RAPGEF5: variants seen among roughly 807,000 people sequenced by gnomAD.
RAPGEF5 encodes the protein Rap guanine nucleotide exchange factor 5.
In RAPGEF5, 65 loss-of-function variants were observed where a neutral mutation model predicts 125.2. The ratio of observed to expected loss-of-function variants is 0.52; its 90% confidence interval spans 0.43 to 0.64. The LOEUF (loss-of-function observed/expected upper bound fraction) is 0.64. Among genes scored for constraint, RAPGEF5 ranks in the 30% least tolerant of loss-of-function variants. The pLI is 0.00. For missense variants in RAPGEF5, 958 were observed against 1,048.1 expected (o/e 0.91, Z 1.19); for synonymous variants, 391 against 385.9 (o/e 1.01, Z -0.16).
chr7:22,356,752 C>A (rs1326749435), intron 1 of RAPGEF5, 78 bp downstream of exon 1: 2 of 797,388 alleles, frequency 2.5e-6, no homozygotes, highest in South Asian at 6.0e-5. Flanking sequence ...CAGACGCCCC[C>A]CTCAGCGGCC....
chr7:22,233,080 C>T lies in RAPGEF5; in HGVS notation c.797-2161G>A, dbSNP rs142800076. 7.1e-3 allele frequency among the ~76,000 whole-genome samples: 1,074 copies of T among 152,238 alleles called. 16 individuals carry two copies. The highest frequency in any genetic ancestry group is 0.025 in the African/African-American group (1,025 of 41,544). On this transcript the variant is annotated intron_variant, in intron 7 of 25. Transcript: ENST00000665637. ...GAGGAAACTTAAGAACAAAGAAAAA[C>T]ATGCGTGTTTTCTCTGAAAAACTAG...
intron 7 of RAPGEF5, among the ~76,000 whole-genome samples, chr7:22,251,366 G>A (rs1033312153): frequency 6.6e-6 from 1 of 152,176 alleles, no homozygotes; most frequent in African/African-American, 2.4e-5. Context: ...ATAAGTGGAT[G>A]CATGTCCTGT....
Position 22,194,050 on chromosome 7 carries a change from G to T in RAPGEF5, c.997-17C>A, listed in dbSNP as rs1231610488. 6 of 1,583,348 alleles carry T rather than the reference G, an allele frequency of 3.8e-6. No homozygotes were observed. Among genetic ancestry groups the T allele is most frequent in the South Asian group, 3.4e-5 (3 of 88,144 alleles). On this transcript the variant is annotated splice_polypyrimidine_tract_variant and intron_variant, in intron 9 of 25. Coordinates refer to ENST00000665637, the MANE Select transcript of RAPGEF5 (RefSeq NM_012294.5). ...ATCATCTTGCTTTAATTGTGGACAG[G>T]GATGATGGATGAGAGAAGGAAAAAG...
intron 7 of RAPGEF5, among the ~76,000 whole-genome samples, chr7:22,242,947 CAAAA>C (rs537954162): frequency 6.1e-5 from 4 of 65,742 alleles, no homozygotes; most frequent in African/African-American, 9.3e-5. Flanking sequence ...AACTCCGTCT[CAAAA>C]AAAAAAAAAA....
intron 4 of RAPGEF5, among the ~76,000 whole-genome samples, chr7:22,309,229 T>G (rs936116248): frequency 1.3e-5 from 2 of 152,230 alleles, no homozygotes; most frequent in African/African-American, 4.8e-5. Flanking sequence ...AGTTAACTAA[T>G]TTTATAAATA....
intron 11 of RAPGEF5, among the ~76,000 whole-genome samples, chr7:22,190,344 G>A (rs923691395): frequency 6.6e-6 from 1 of 152,126 alleles, no homozygotes; most frequent in Non-Finnish European, 1.5e-5. Flanking sequence ...GACTTCTTGC[G>A]CCTTTCACTA....
chr7:22,318,831 GTGC>G, intron 1 of RAPGEF5, among the ~76,000 whole-genome samples: 1 of 152,110 alleles, frequency 6.6e-6, no homozygotes, highest in East Asian at 1.9e-4. Flanking sequence ...TACTATTCAG[GTGC>G]AGCACCTGGG....
intron 1 of RAPGEF5, among the ~76,000 whole-genome samples, chr7:22,350,604 T>C (rs80288589): frequency 0.015 from 2,229 of 152,268 alleles, 62 homozygotes; most frequent in African/African-American, 0.05. Context: ...AGATAATAAG[T>C]GATAGCACTG....
chr7:22,250,566 G>A (rs1032201394), intron 7 of RAPGEF5, among the ~76,000 whole-genome samples: 5 of 152,106 alleles, frequency 3.3e-5, no homozygotes, highest in South Asian at 2.1e-4. Flanking sequence ...TTAATGTGAC[G>A]AAGGATGGAC....
At position 22,219,952 on chromosome 7, in the gene RAPGEF5, C is replaced by T. The variant is rs577125202; in HGVS notation, c.910G>A (p.Gly304Arg). Residue 304 changes from glycine to arginine, a missense_variant, in exon 9 of 26, where the codon GGA becomes AGA. Transcript: ENST00000665637. ...MCKLQERDEI[G>R]RIELVQKLAK... ...AGCTTCTGGACTAGTTCAATTCGTCCGATTTCATCTCTTTCCTGGAGCTTG... is the reference window on the plus strand; with the variant it reads ...AGCTTCTGGACTAGTTCAATTCGTCTGATTTCATCTCTTTCCTGGAGCTTG... 144 of 1,613,508 alleles carry T rather than the reference C, an allele frequency of 8.9e-5. No individual in the cohort carries two copies. The highest frequency in any genetic ancestry group is 5.3e-4 in the Admixed American group (32 of 59,996).
intron 12 of RAPGEF5, among the ~76,000 whole-genome samples, chr7:22,165,259 T>A (rs897477718): frequency 9.9e-5 from 15 of 152,196 alleles, no homozygotes; most frequent in Admixed American, 6.5e-5. Context: ...AGGGACATCC[T>A]ATAGGACACT....
chr7:22,325,494 G>C (rs1487662791), intron 1 of RAPGEF5, among the ~76,000 whole-genome samples: 1 of 152,182 alleles, frequency 6.6e-6, no homozygotes, highest in African/African-American at 2.4e-5. Context: ...GTCATGCATA[G>C]AGAGTGCAGA....
chr7:22,319,863 A>AG (rs1783677760), intron 1 of RAPGEF5, among the ~76,000 whole-genome samples: 1 of 152,042 alleles, frequency 6.6e-6, no homozygotes. Flanking sequence ...AAAAAAAAAA[A>AG]ACGTGGGCAG....
intron 20 of RAPGEF5, among the ~76,000 whole-genome samples, chr7:22,141,269 A>AT (rs1051095572): frequency 3.3e-5 from 5 of 152,108 alleles, no homozygotes; most frequent in African/African-American, 9.7e-5. Flanking sequence ...TGTATTTGTG[A>AT]TTTTTTTCCC....
chr7:22,156,784 A>G (rs1783822730), intron 16 of RAPGEF5, 26 bp downstream of exon 16: 3 of 1,613,204 alleles, frequency 1.9e-6, no homozygotes, highest in Middle Eastern at 1.7e-4. Flanking sequence ...GCCCACCCCC[A>G]AACCCTCACT....
Position 22,145,129 on chromosome 7 carries a change from G to C in RAPGEF5, c.2101C>G (p.Leu701Val). 6.2e-7 allele frequency: 1 copy of C among 1,613,828 alleles called. No homozygotes were observed. The highest frequency in any genetic ancestry group is 8.5e-7 in the Non-Finnish European group (1 of 1,179,810). The change falls in exon 20 of 26, where the codon CTT becomes GTT. Residue 701 changes from leucine to valine, a missense_variant. Coordinates refer to ENST00000665637, the MANE Select transcript of RAPGEF5 (RefSeq NM_012294.5). ...LLLQRCNEVQLWVATEILLCS... is the reference protein window; with the variant it reads ...LLLQRCNEVQVWVATEILLCS... ...AGCAGAATCTCCGTGGCCACCCAAAGCTGGACCTCATTGCATCTCTGGAGC... is the reference window on the plus strand; with the variant it reads ...AGCAGAATCTCCGTGGCCACCCAAACCTGGACCTCATTGCATCTCTGGAGC...
chr7:22,291,099 A>T, intron 6 of RAPGEF5, 76 bp downstream of exon 6: 1 of 1,460,830 alleles, frequency 6.8e-7, no homozygotes, highest in Non-Finnish European at 9.1e-7. Flanking sequence ...CTACACCATC[A>T]CCCAAAGAAC....
chr7:22,142,958 C>T (rs528636717), intron 20 of RAPGEF5, among the ~76,000 whole-genome samples: 1 of 152,250 alleles, frequency 6.6e-6, no homozygotes, highest in African/African-American at 2.4e-5. Flanking sequence ...GGGATAGAGA[C>T]CACTACCATA....
intron 5 of RAPGEF5, among the ~76,000 whole-genome samples, chr7:22,305,727 T>A (rs1783322279): frequency 6.6e-6 from 1 of 152,184 alleles, no homozygotes; most frequent in African/African-American, 2.4e-5. Flanking sequence ...CTTCCTAGCC[T>A]CTGGTAACCA....
Sources: gnomAD v4.1 joint callset for allele counts (sites outside exome capture counted in the v4.1 genomes callset) on GRCh38, gnomAD v4.1.1 for gene constraint, MANE v1.5 for transcripts, NCBI Gene and HGNC (gene_info 2026-07-23, HGNC 2026-07-21) for gene names.